The following IL1RAPL1 variants were observed in gnomAD, a reference collection of about 807,000 sequenced individuals.
The protein encoded by IL1RAPL1 is interleukin-1 receptor accessory protein-like 1.
Under a neutral mutation model 48.4 loss-of-function variants are expected in IL1RAPL1, and 3 were observed. The observed-to-expected ratio is 0.06, with a 90% CI of 0.03 to 0.16. The LOEUF (loss-of-function observed/expected upper bound fraction) is 0.16, where lower values mean the gene tolerates loss of function less well. Ranked by LOEUF, IL1RAPL1 falls within the 10% of genes least tolerant of loss-of-function variation. The probability of loss-of-function intolerance (pLI) is 1.00; values close to 1 mark genes in which losing one functional copy is unlikely to be tolerated. For synonymous variants in IL1RAPL1, 185 were observed against 187.7 expected, an observed-to-expected ratio of 0.99 and a Z score of 0.12; for missense variants, 349 against 530.6, an observed-to-expected ratio of 0.66 and a Z score of 3.36.
At chrX:29,625,651 C>A (rs1257337810) in intron 5 of IL1RAPL1, among the ~76,000 whole-genome samples, 1 of 111,864 alleles carries the variant, frequency 8.9e-6, no homozygotes, top group African/African-American at 3.2e-5. Context: ...TTGAGAATGT[C>A]ACTTCTCCAA....
At chrX:29,828,320 A>G (rs770582995) in intron 6 of IL1RAPL1, among the ~76,000 whole-genome samples, 1 of 112,144 alleles carries the variant, frequency 8.9e-6, no homozygotes, top group South Asian at 3.7e-4. Context: ...TTGCATTTTA[A>G]TAGGATCATT....
chrX:29,191,665 C>A (rs965702919), intron 2 of IL1RAPL1, among the ~76,000 whole-genome samples: 30 of 111,679 alleles, frequency 2.7e-4, no homozygotes, highest in Non-Finnish European at 4.9e-4. Context: ...ATAAAGGGGG[C>A]AGCAGAGTGT....
intron 2 of IL1RAPL1, among the ~76,000 whole-genome samples, chrX:29,124,895 T>C (rs1166443713): frequency 8.9e-6 from 1 of 112,051 alleles, no homozygotes; most frequent in Non-Finnish European, 1.9e-5. Flanking sequence ...AGGAATAGTG[T>C]ATTGTTCACT....
chrX:29,031,508 C>T (rs959031706), intron 2 of IL1RAPL1, among the ~76,000 whole-genome samples: 5 of 111,850 alleles, frequency 4.5e-5, no homozygotes, highest in African/African-American at 1.6e-4. Flanking sequence ...TTAGTAAAAA[C>T]AACATTGTAA....
At chrX:28,861,804 A>G (rs921561308) in intron 2 of IL1RAPL1, among the ~76,000 whole-genome samples, 5 of 111,379 alleles carry the variant, frequency 4.5e-5, no homozygotes, top group African/African-American at 1.6e-4. Context: ...AAGGTCCCCA[A>G]ACTTTGTTTA....
At chrX:28,744,457 C>G (rs951845012) in intron 1 of IL1RAPL1, among the ~76,000 whole-genome samples, 2 of 111,485 alleles carry the variant, frequency 1.8e-5, no homozygotes, top group Admixed American at 1.9e-4. Flanking sequence ...AGTATGAGAA[C>G]CCAAGCACAT....
At chrX:29,110,786 C>T (rs757732090) in intron 2 of IL1RAPL1, among the ~76,000 whole-genome samples, 1 of 111,485 alleles carries the variant, frequency 9.0e-6, no homozygotes, top group South Asian at 3.7e-4. Flanking sequence ...AAGTTTCTTT[C>T]ATTGCTATTC....
rs917337654 is a variant in IL1RAPL1 at position 29,944,953 on chromosome X, A to G, written c.1201+3159A>G. ...CTACACGCATACCCACCTTCCCATT[A>G]AAAAAAAAAAAGTAATCATCTTCTT... is the stretch of plus-strand genomic sequence containing the variant. On this transcript the variant is annotated intron_variant, in intron 9 of 10. Coordinates refer to ENST00000378993, the MANE Select transcript of IL1RAPL1 (RefSeq NM_014271.4). Among the ~76,000 whole-genome samples the G allele has an allele frequency of 5.9e-5, 6 of 101,790 alleles. No homozygotes were observed. In the East Asian group the frequency reaches 9.1e-4, roughly 15 times the overall value. 88.4% of individuals were successfully genotyped at this position (101,790 alleles called of 115,157 possible).
intron 2 of IL1RAPL1, among the ~76,000 whole-genome samples, chrX:28,796,228 G>A (rs773687639): frequency 1.8e-5 from 2 of 111,319 alleles, no homozygotes; most frequent in South Asian, 3.8e-4. Flanking sequence ...GTTGGGTGGG[G>A]ACACAACCAA....
At chrX:28,869,435 C>T (rs1356162970) in intron 2 of IL1RAPL1, among the ~76,000 whole-genome samples, 1 of 100,350 alleles carries the variant, frequency 1.0e-5, no homozygotes, top group Non-Finnish European at 2.0e-5. Flanking sequence ...ATTTGCTATA[C>T]ATTATAGTCA....
intron 5 of IL1RAPL1, among the ~76,000 whole-genome samples, chrX:29,645,922 C>T (rs1485163790): frequency 8.9e-6 from 1 of 112,275 alleles, no homozygotes; most frequent in Non-Finnish European, 1.9e-5. Context: ...CCATACCGGA[C>T]AACCTTTTCA....
intron 6 of IL1RAPL1, among the ~76,000 whole-genome samples, chrX:29,772,183 C>G (rs770358588): frequency 9.4e-6 from 1 of 106,737 alleles, no homozygotes; most frequent in South Asian, 4.3e-4. Flanking sequence ...TCCAGGAGCT[C>G]GAGGCTGTAG....
chrX:29,236,350 A>G (rs1204226620), intron 2 of IL1RAPL1, among the ~76,000 whole-genome samples: 1 of 110,676 alleles, frequency 9.0e-6, no homozygotes, highest in Non-Finnish European at 1.9e-5. Flanking sequence ...CTGACCGACC[A>G]TGCTGTGAGA....
intron 2 of IL1RAPL1, among the ~76,000 whole-genome samples, chrX:28,976,861 G>A (rs5985812): frequency 0.35 from 38,471 of 110,991 alleles, 4,880 homozygotes; most frequent in Admixed American, 0.44. Flanking sequence ...CTTCTGTAAA[G>A]TGCCAGATAG....
At chrX:29,109,859 G>A (rs555764065) in intron 2 of IL1RAPL1, among the ~76,000 whole-genome samples, 6 of 111,440 alleles carry the variant, frequency 5.4e-5, no homozygotes, top group African/African-American at 2.0e-4. Flanking sequence ...TCAATGAGAA[G>A]GAAAAATAAT....
chrX:28,737,391 G>A (rs1935856058), intron 1 of IL1RAPL1, among the ~76,000 whole-genome samples: 1 of 108,226 alleles, frequency 9.2e-6, no homozygotes, highest in Admixed American at 1.0e-4. Flanking sequence ...TGAGTAGCTG[G>A]GATTACAGGT....
chrX:28,927,070 T>TA (rs1290641526), intron 2 of IL1RAPL1, among the ~76,000 whole-genome samples: 1 of 110,866 alleles, frequency 9.0e-6, no homozygotes, highest in East Asian at 2.8e-4. Context: ...AATTTTTAAA[T>TA]TTTTTTGCAG....
intron 3 of IL1RAPL1, among the ~76,000 whole-genome samples, chrX:29,377,720 A>G (rs1455768969): frequency 8.9e-6 from 1 of 112,079 alleles, no homozygotes; most frequent in East Asian, 2.8e-4. Flanking sequence ...TTCTGCATCA[A>G]GGTCTGCTGC....
chrX:29,248,396 C>A (rs1403354871), intron 2 of IL1RAPL1, among the ~76,000 whole-genome samples: 1 of 111,628 alleles, frequency 9.0e-6, no homozygotes, highest in African/African-American at 3.3e-5. Context: ...GCACTACAGC[C>A]TGGGCGACAG....
Sources: gnomAD v4.1 joint callset for allele counts (sites outside exome capture counted in the v4.1 genomes callset) on GRCh38, gnomAD v4.1.1 for gene constraint, MANE v1.5 for transcripts, NCBI Gene and HGNC (gene_info 2026-07-23, HGNC 2026-07-21) for gene names.